Variants in GRIK2 observed in about 807,000 individuals in gnomAD.
The protein encoded by GRIK2 is glutamate receptor ionotropic, kainate 2.
In GRIK2, 32 loss-of-function variants were observed where a neutral mutation model predicts 100.3. The observed-to-expected ratio is 0.32, with a 90% CI of 0.24 to 0.43. The LOEUF (loss-of-function observed/expected upper bound fraction) is 0.43. GRIK2 is among the 20% of genes least tolerant of loss of function. The pLI, the probability that GRIK2 is intolerant of heterozygous loss-of-function variation, is 1.00. For synonymous variants in GRIK2, 417 were observed against 389.4 expected, an observed-to-expected ratio of 1.07 and a Z score of -0.83; for missense variants, 843 against 1,114.9, an observed-to-expected ratio of 0.76 and a Z score of 3.47.
intron 3 of GRIK2, among the ~76,000 whole-genome samples, 172 bp from the exon 4 acceptor site, chr6:101,626,208 A>G (rs1780429647): frequency 6.6e-6 from 1 of 152,178 alleles, no homozygotes; most frequent in African/African-American, 2.4e-5. Flanking sequence ...AACAAACGGA[A>G]AGTGTTCAGA....
intron 7 of GRIK2, among the ~76,000 whole-genome samples, chr6:101,792,800 T>C (rs920339156): frequency 6.6e-6 from 1 of 152,040 alleles, no homozygotes; most frequent in Non-Finnish European, 1.5e-5. Flanking sequence ...TCCTGCAGAG[T>C]TTTTTCCAAC....
Position 102,009,921 on chromosome 6 carries a change from G to A in GRIK2, c.2086-25420G>A, listed in dbSNP as rs573595978. 5.3e-5 allele frequency among the ~76,000 whole-genome samples: 8 copies of A among 152,132 alleles called. No individual in the cohort carries two copies. The South Asian group carries it at 1.7e-3, about 32-fold the overall frequency. ...TTAGAAACCATGAAATACAAAAGCA[G>A]GGCATGTGAATGTATTTATGCTTTT... On this transcript the variant is annotated intron_variant, in intron 14 of 16. Coordinates refer to ENST00000369134, the MANE Select transcript of GRIK2 (RefSeq NM_021956.5).
chr6:101,507,796 T>A (rs117426886), intron 2 of GRIK2, among the ~76,000 whole-genome samples: 4,097 of 152,210 alleles, frequency 0.027, 83 homozygotes, highest in Middle Eastern at 0.044. Flanking sequence ...AAAATCAGGA[T>A]CATGCCCCCA....
At chr6:101,771,217 GTTATCTTTCT>G (rs1778381252) in intron 7 of GRIK2, among the ~76,000 whole-genome samples, 1 of 151,768 alleles carries the variant, frequency 6.6e-6, no homozygotes, top group Non-Finnish European at 1.5e-5. Flanking sequence ...AAGCATATTA[GTTATCTTTCT>G]TTTTTTTCTT....
chr6:101,728,321 T>A (rs1295411313), intron 7 of GRIK2, among the ~76,000 whole-genome samples: 1 of 152,082 alleles, frequency 6.6e-6, no homozygotes, highest in Non-Finnish European at 1.5e-5. Context: ...TACTATGTGC[T>A]AAATAAAACA....
At chr6:101,592,494 A>G (rs1191923299) in intron 2 of GRIK2, among the ~76,000 whole-genome samples, 1 of 150,298 alleles carries the variant, frequency 6.7e-6, no homozygotes. Context: ...AATTCCTGGG[A>G]AGACCAGCTG....
chr6:101,993,370 T>C (rs1217492234), intron 14 of GRIK2: 1 of 151,560 alleles, frequency 6.6e-6, no homozygotes, highest in Non-Finnish European at 1.5e-5. Context: ...TTGCCAATTA[T>C]CTTATTGAAG....
chr6:101,670,729 C>T (rs1374170855), intron 4 of GRIK2, among the ~76,000 whole-genome samples: 1 of 151,974 alleles, frequency 6.6e-6, no homozygotes, highest in African/African-American at 2.4e-5. Context: ...AAATATCATC[C>T]AAAAATAGAG....
intron 6 of GRIK2, among the ~76,000 whole-genome samples, chr6:101,685,878 T>C (rs186474174): frequency 4.6e-5 from 7 of 152,146 alleles, no homozygotes; most frequent in Admixed American, 4.6e-4. Context: ...GGGCAAGCTA[T>C]CCTAAACAGA....
intron 7 of GRIK2, among the ~76,000 whole-genome samples, chr6:101,767,133 T>C (rs1449062397): frequency 6.6e-6 from 1 of 152,224 alleles, no homozygotes; most frequent in African/African-American, 2.4e-5. Flanking sequence ...AAGAAATAAC[T>C]GCTACTTTTA....
chr6:101,909,139 ATAT>A (rs1403474973), intron 12 of GRIK2, among the ~76,000 whole-genome samples: 3 of 151,310 alleles, frequency 2.0e-5, no homozygotes, highest in African/African-American at 7.3e-5. Flanking sequence ...CAGGGATAAA[ATAT>A]TATTAATAAA....
chr6:101,609,493 T>C (rs1228191908), intron 2 of GRIK2, among the ~76,000 whole-genome samples: 1 of 151,880 alleles, frequency 6.6e-6, no homozygotes, highest in African/African-American at 2.4e-5. Context: ...GCTTTCTGGA[T>C]TTCTGGAAGG....
chr6:101,559,662 A>G (rs1562225867), intron 2 of GRIK2, among the ~76,000 whole-genome samples: 1 of 152,140 alleles, frequency 6.6e-6, no homozygotes. Flanking sequence ...TAACTGCCTT[A>G]TAATTTTAAT....
At chr6:102,023,363 T>C (rs572028500) in intron 14 of GRIK2, among the ~76,000 whole-genome samples, 1 of 151,386 alleles carries the variant, frequency 6.6e-6, no homozygotes, top group Admixed American at 6.6e-5. Flanking sequence ...AAGAAATAAT[T>C]ATATAAGATT....
chr6:101,705,587 A>G (rs1420092188), intron 7 of GRIK2, among the ~76,000 whole-genome samples: 1 of 151,816 alleles, frequency 6.6e-6, no homozygotes, highest in Non-Finnish European at 1.5e-5. Flanking sequence ...GAAAATGTAC[A>G]TGTACATGTG....
chr6:101,719,532 A>G (rs1774323932), intron 7 of GRIK2, among the ~76,000 whole-genome samples: 1 of 152,036 alleles, frequency 6.6e-6, no homozygotes, highest in African/African-American at 2.4e-5. Context: ...GCTCAGATAA[A>G]ATAATGAGCC....
chr6:101,621,443 C>G (rs1234811993), intron 2 of GRIK2, among the ~76,000 whole-genome samples: 1 of 151,976 alleles, frequency 6.6e-6, no homozygotes, highest in Non-Finnish European at 1.5e-5. Context: ...AAGTGAGTGA[C>G]TGTCTTAAAA....
intron 14 of GRIK2, among the ~76,000 whole-genome samples, chr6:101,940,392 A>G (rs1185033590): frequency 1.3e-5 from 2 of 152,146 alleles, no homozygotes; most frequent in Admixed American, 1.3e-4. Flanking sequence ...ATTTTAGTCA[A>G]ACTCTTACAG....
At chr6:101,952,582 T>A (rs1365589219) in intron 14 of GRIK2, among the ~76,000 whole-genome samples, 1 of 152,082 alleles carries the variant, frequency 6.6e-6, no homozygotes. Flanking sequence ...TTTAGTATAT[T>A]CAGAACTGCA....
Sources: allele counts gnomAD v4.1 joint callset (sites outside exome capture counted in the v4.1 genomes callset), GRCh38; gene constraint gnomAD v4.1.1; transcripts MANE v1.5; gene names NCBI Gene and HGNC (gene_info 2026-07-23, HGNC 2026-07-21).